RBFOX1: variants seen among roughly 807,000 people sequenced by gnomAD.
RBFOX1 encodes the protein RNA binding protein fox-1 homolog 1.
In RBFOX1, 8 loss-of-function variants were observed where a neutral mutation model predicts 57.7. That is an observed-to-expected ratio of 0.14 (90% confidence interval 0.08 to 0.25). RBFOX1 has a LOEUF of 0.25. Ranked by LOEUF, RBFOX1 falls within the 10% of genes least tolerant of loss-of-function variation. The pLI is 1.00. For synonymous variants in RBFOX1, 326 were observed against 222.4 expected, an observed-to-expected ratio of 1.47 and a Z score of -4.15; for missense variants, 611 against 548.5, an observed-to-expected ratio of 1.11 and a Z score of -1.14.
At chr16:5,565,284 C>T (rs1053921305) in intron 2 of RBFOX1, among the ~76,000 whole-genome samples, 7 of 152,050 alleles carry the variant, frequency 4.6e-5, no homozygotes, top group African/African-American at 1.4e-4. Flanking sequence ...TGTGCACGTG[C>T]GTGCGTGTGT....
intron 2 of RBFOX1, among the ~76,000 whole-genome samples, chr16:6,643,284 C>T (rs1442821113): frequency 6.6e-6 from 1 of 152,176 alleles, no homozygotes; most frequent in Non-Finnish European, 1.5e-5. Flanking sequence ...ATCTGCTGGC[C>T]ATTTGTGATA....
chr16:6,295,379 C>T (rs941603805), intron 1 of RBFOX1, among the ~76,000 whole-genome samples: 3 of 152,164 alleles, frequency 2.0e-5, no homozygotes, highest in African/African-American at 7.2e-5. Context: ...CCACCTTGGC[C>T]TCCCAAAGTG....
intron 1 of RBFOX1, among the ~76,000 whole-genome samples, chr16:6,141,345 C>G (rs1461296398): frequency 1.3e-5 from 2 of 152,154 alleles, no homozygotes. Context: ...CTATTCCTTT[C>G]TTTCAGATCT....
At position 6,693,756 on chromosome 16, in the gene RBFOX1, C is replaced by T. The variant is rs567391109; in HGVS notation, c.-16+39106C>T. ...TCCTCATCCTCATCCACTAACATCA[C>T]CACCATCATTAGCAACATCATCTTC... On this transcript the variant is annotated intron_variant, in intron 3 of 15. Transcript: ENST00000550418. Among the ~76,000 whole-genome samples the T allele has an allele frequency of 9.8e-3, 1,491 of 152,056 alleles. 18 individuals carry two copies. Among genetic ancestry groups the T allele is most frequent in the Non-Finnish European group, 0.015 (1,047 of 67,988 alleles).
intron 3 of RBFOX1, among the ~76,000 whole-genome samples, chr16:6,919,306 G>C (rs1353557287): frequency 2.0e-5 from 3 of 152,040 alleles, no homozygotes; most frequent in Non-Finnish European, 4.4e-5. Context: ...AATGTTTCTT[G>C]ACCAATTCCT....
chr16:5,339,838 A>T (rs561485635), intron 1 of RBFOX1, among the ~76,000 whole-genome samples: 9 of 151,916 alleles, frequency 5.9e-5, no homozygotes, highest in African/African-American at 2.2e-4. Context: ...CAGGTGGGAG[A>T]GCTTTCCCAG....
intron 3 of RBFOX1, among the ~76,000 whole-genome samples, chr16:6,689,811 A>G (rs564068706): frequency 6.6e-6 from 1 of 152,208 alleles, no homozygotes; most frequent in Non-Finnish European, 1.5e-5. Flanking sequence ...CTCAATGCAC[A>G]GACTTCTTGA....
intron 1 of RBFOX1, among the ~76,000 whole-genome samples, chr16:6,276,209 C>T (rs912177952): frequency 2.6e-5 from 4 of 152,158 alleles, no homozygotes; most frequent in Non-Finnish European, 5.9e-5. Flanking sequence ...GATTTTGTTA[C>T]AGTCGTCAGA....
intron 3 of RBFOX1, among the ~76,000 whole-genome samples, chr16:6,966,419 G>T (rs1008323024): frequency 3.3e-5 from 5 of 152,140 alleles, no homozygotes; most frequent in African/African-American, 1.2e-4. Flanking sequence ...ACCCTGGGGG[G>T]TCTTCCAGAG....
intron 2 of RBFOX1, among the ~76,000 whole-genome samples, chr16:5,563,332 GAACT>G (rs368908535): frequency 6.6e-6 from 1 of 152,214 alleles, no homozygotes; most frequent in Non-Finnish European, 1.5e-5. Context: ...CCTCCTAGGT[GAACT>G]AACTGTCTGT....
chr16:5,640,815 C>T (rs1348185470), intron 3 of RBFOX1, among the ~76,000 whole-genome samples: 1 of 147,716 alleles, frequency 6.8e-6, no homozygotes, highest in Non-Finnish European at 1.5e-5. Flanking sequence ...CACATGCACA[C>T]CATGGATACA....
chr16:5,266,548 GTTT>G (rs3035524), intron 1 of RBFOX1, among the ~76,000 whole-genome samples: 1 of 128,028 alleles, frequency 7.8e-6, no homozygotes, highest in African/African-American at 3.0e-5. Flanking sequence ...GAAATGTTCA[GTTT>G]TTTTTTTTTT....
At chr16:6,768,999 T>C (rs1348935124) in intron 3 of RBFOX1, among the ~76,000 whole-genome samples, 1 of 152,146 alleles carries the variant, frequency 6.6e-6, no homozygotes, top group Non-Finnish European at 1.5e-5. Flanking sequence ...AGTGTTGAGG[T>C]TACTGGCGTG....
intron 1 of RBFOX1, among the ~76,000 whole-genome samples, chr16:6,264,085 T>C (rs939471536): frequency 1.3e-5 from 2 of 152,218 alleles, no homozygotes; most frequent in Non-Finnish European, 2.9e-5. Context: ...CTTACTTTCA[T>C]AGAGTCTCAA....
At chr16:7,358,635 G>C (rs57220573) in intron 4 of RBFOX1, among the ~76,000 whole-genome samples, 5,069 of 152,188 alleles carry the variant, frequency 0.033, 188 homozygotes, top group African/African-American at 0.09. Context: ...GGCCAAGCTG[G>C]TCTCAAACTC....
At chr16:7,197,954 T>G (rs112234856) in intron 4 of RBFOX1, among the ~76,000 whole-genome samples, 10 of 151,418 alleles carry the variant, frequency 6.6e-5, no homozygotes, top group African/African-American at 2.4e-4. Context: ...TTTCTCTTTT[T>G]TCCCCCGTTC....
intron 3 of RBFOX1, among the ~76,000 whole-genome samples, chr16:5,840,218 T>A (rs1288716221): frequency 2.0e-5 from 3 of 152,204 alleles, no homozygotes; most frequent in African/African-American, 7.2e-5. Flanking sequence ...ACCATTTTCC[T>A]TGGCATCTCA....
intron 1 of RBFOX1, among the ~76,000 whole-genome samples, chr16:5,406,248 G>A (rs1434431136): frequency 6.6e-6 from 1 of 152,158 alleles, no homozygotes; most frequent in Non-Finnish European, 1.5e-5. Flanking sequence ...GACAAGAATA[G>A]CGTTTGAATT....
intron 3 of RBFOX1, among the ~76,000 whole-genome samples, chr16:6,661,623 G>A (rs747468263): frequency 6.6e-6 from 1 of 152,154 alleles, no homozygotes. Flanking sequence ...TAAGAACTGG[G>A]GTTGGAGCCC....
Sources: gnomAD v4.1 joint callset for allele counts (sites outside exome capture counted in the v4.1 genomes callset) on GRCh38, gnomAD v4.1.1 for gene constraint, MANE v1.5 for transcripts, NCBI Gene and HGNC (gene_info 2026-07-23, HGNC 2026-07-21) for gene names.